ARHGAP28: variants seen among roughly 807,000 people sequenced by gnomAD.
The protein encoded by ARHGAP28 is Rho GTPase activating protein 28.
In ARHGAP28, 56 loss-of-function variants were observed where a neutral mutation model predicts 90.7. The ratio of observed to expected loss-of-function variants is 0.62; its 90% CI spans 0.50 to 0.77. ARHGAP28 has a LOEUF of 0.77. Among genes scored for constraint, ARHGAP28 ranks in the 30% least tolerant of loss-of-function variants. ARHGAP28 has a pLI of 0.00. For synonymous variants in ARHGAP28, 308 were observed against 323.3 expected (o/e 0.95, Z 0.51); for missense variants, 869 against 900.9 (o/e 0.96, Z 0.45).
chr18:6,748,671 C>A (rs2056044661), intron 1 of ARHGAP28, among the ~76,000 whole-genome samples: 1 of 152,152 alleles, frequency 6.6e-6, no homozygotes, highest in Non-Finnish European at 1.5e-5. Context: ...TTAACAAGGT[C>A]AGGGCCCAAG....
chr18:6,814,454 G>A (rs376068179), intron 1 of ARHGAP28, among the ~76,000 whole-genome samples: 19 of 152,172 alleles, frequency 1.2e-4, no homozygotes, highest in African/African-American at 2.9e-4. Context: ...AAAGCAATAC[G>A]AGGATACAAT....
At position 6,761,510 on chromosome 18, in the gene ARHGAP28, G is replaced by T. The variant is rs73380782; in HGVS notation, c.122+31567G>T. Among the ~76,000 whole-genome samples, 530 of 152,254 alleles carry T rather than the reference G, an allele frequency of 3.5e-3. 5 individuals are homozygous for T. Among genetic ancestry groups the T allele is most frequent in the African/African-American group, 0.012 (509 of 41,552 alleles). ...AACAGTATTGATGGAGGCAGGCATT[G>T]CCACTGCTGAACCCACAGCATGAAT... On this transcript the variant is annotated intron_variant, in intron 1 of 17. Transcript: ENST00000383472.
chr18:6,752,381 A>C (rs955678648), intron 1 of ARHGAP28, among the ~76,000 whole-genome samples: 4 of 152,346 alleles, frequency 2.6e-5, no homozygotes, highest in East Asian at 3.9e-4. Flanking sequence ...CAAAACAATG[A>C]AGCAAAACAG....
intron 16 of ARHGAP28, among the ~76,000 whole-genome samples, chr18:6,906,513 A>G (rs1289213417): frequency 6.6e-6 from 1 of 152,186 alleles, no homozygotes; most frequent in East Asian, 1.9e-4. Flanking sequence ...AGAAAACTAC[A>G]AAAGCAATTT....
chr18:6,902,477 C>T (rs8087927), intron 16 of ARHGAP28, among the ~76,000 whole-genome samples: 3,247 of 152,062 alleles, frequency 0.021, 95 homozygotes, highest in African/African-American at 0.075. Context: ...AGAATAATTT[C>T]AGAGTAAAAT....
At chr18:6,734,543 A>G (rs1600137248) in intron 1 of ARHGAP28, among the ~76,000 whole-genome samples, 1 of 152,212 alleles carries the variant, frequency 6.6e-6, no homozygotes, top group African/African-American at 2.4e-5. Context: ...TTTCTTAACT[A>G]TTCTTAATAA....
At chr18:6,839,253 A>G (rs1468912684) in intron 3 of ARHGAP28, among the ~76,000 whole-genome samples, 1 of 152,072 alleles carries the variant, frequency 6.6e-6, no homozygotes, top group African/African-American at 2.4e-5. Context: ...AGCAGTACTC[A>G]AATGCTTTGT....
chr18:6,734,724 T>C (rs1337197235), intron 1 of ARHGAP28, among the ~76,000 whole-genome samples: 3 of 152,214 alleles, frequency 2.0e-5, no homozygotes, highest in African/African-American at 7.2e-5. Flanking sequence ...TAAGCATTTA[T>C]GTAGGCCCGT....
intron 1 of ARHGAP28, chr18:6,789,867 G>T (rs890223593): frequency 6.7e-6 from 1 of 149,644 alleles, no homozygotes; most frequent in African/African-American, 2.5e-5. Context: ...TCACTCTGTC[G>T]CCCAGGCTAA....
chr18:6,912,246 G>T lies in ARHGAP28; in HGVS notation c.*92G>T. ...AAACAACACTGTGTTTGACGTATTT[G>T]TTCCTACAGCATTCTCAGTATTTCT... On this transcript the variant is annotated 3_prime_UTR_variant, in exon 18 of 18. Coordinates refer to ENST00000383472, the MANE Select transcript of ARHGAP28 (RefSeq NM_001366230.1). 1.5e-6 allele frequency: 1 copy of T among 667,440 alleles called. No individual in the cohort carries two copies. Among genetic ancestry groups the T allele is most frequent in the Non-Finnish European group, 2.5e-6 (1 of 406,818 alleles). 41.3% of individuals were successfully genotyped at this position (667,440 alleles called of 1,614,324 possible).
At chr18:6,813,256 C>T (rs541592981) in intron 1 of ARHGAP28, among the ~76,000 whole-genome samples, 26 of 152,264 alleles carry the variant, frequency 1.7e-4, no homozygotes, top group Non-Finnish European at 3.7e-4. Flanking sequence ...AATAGGTTAA[C>T]CTATGGGTAA....
At chr18:6,870,055 A>G (rs2057071271) in intron 6 of ARHGAP28, among the ~76,000 whole-genome samples, 1 of 152,216 alleles carries the variant, frequency 6.6e-6, no homozygotes, top group African/African-American at 2.4e-5. Context: ...AGAAATTCCG[A>G]TTAATTCACC....
intron 1 of ARHGAP28, among the ~76,000 whole-genome samples, chr18:6,804,971 G>A (rs1749724499): frequency 1.3e-5 from 2 of 151,996 alleles, no homozygotes; most frequent in Admixed American, 1.3e-4. Context: ...ATTGAAAGAG[G>A]GTTTTTTAGA....
chr18:6,895,508 G>A (rs371682419), intron 15 of ARHGAP28, among the ~76,000 whole-genome samples: 196 of 152,292 alleles, frequency 1.3e-3, no homozygotes, highest in African/African-American at 4.5e-3. Flanking sequence ...CAAGCTTGGC[G>A]CCTTCTGAAT....
intron 17 of ARHGAP28, among the ~76,000 whole-genome samples, chr18:6,909,248 G>GTCTTTTTCTTTTCTTTTCTTTTCTTT (rs2057381092): frequency 8.2e-6 from 1 of 121,262 alleles, no homozygotes; most frequent in African/African-American, 3.1e-5. Flanking sequence ...GTAGGCTTGG[G>GTCTTTTTCTTTTCTTTTCTTTTCTTT]TCTTTTCTTT....
chr18:6,871,814 G>A (rs936547425), intron 7 of ARHGAP28, among the ~76,000 whole-genome samples: 5 of 152,130 alleles, frequency 3.3e-5, no homozygotes, highest in African/African-American at 1.2e-4. Flanking sequence ...ACAGGAAGAG[G>A]AAAGGAAGAA....
chr18:6,826,125 T>C (rs1038715365), intron 2 of ARHGAP28, among the ~76,000 whole-genome samples: 13 of 151,698 alleles, frequency 8.6e-5, no homozygotes, highest in Non-Finnish European at 1.6e-4. Context: ...GTGTTTTTTT[T>C]TTTTTTTCTG....
chr18:6,839,967 C>A (rs756295004), intron 3 of ARHGAP28, among the ~76,000 whole-genome samples: 1 of 152,166 alleles, frequency 6.6e-6, no homozygotes, highest in African/African-American at 2.4e-5. Flanking sequence ...TTTAAGCATT[C>A]AGATATGGCA....
chr18:6,832,067 T>C (rs1184160832), intron 2 of ARHGAP28, among the ~76,000 whole-genome samples: 1 of 152,082 alleles, frequency 6.6e-6, no homozygotes, highest in Non-Finnish European at 1.5e-5. Flanking sequence ...ACCTAGACCA[T>C]TAATTTTAAA....
Sources: gnomAD v4.1 joint callset for allele counts (sites outside exome capture counted in the v4.1 genomes callset) on GRCh38, gnomAD v4.1.1 for gene constraint, MANE v1.5 for transcripts, NCBI Gene and HGNC (gene_info 2026-07-23, HGNC 2026-07-21) for gene names.